TWIST2: variants seen among roughly 807,000 people sequenced by gnomAD.
TWIST2 encodes the protein twist family bHLH transcription factor 2.
In TWIST2, 1 loss-of-function variant was observed where a neutral mutation model predicts 11.6. The ratio of observed to expected loss-of-function variants is 0.09; its 90% CI spans 0.03 to 0.41. TWIST2 has a LOEUF of 0.41. Ranked by LOEUF, TWIST2 falls within the 10% of genes least tolerant of loss-of-function variation. The pLI is 0.98. For missense variants in TWIST2, 168 were observed against 226.4 expected (o/e 0.74, Z 1.66); for synonymous variants, 87 against 96.6 (o/e 0.90, Z 0.58).
chr2:238,867,177 G>T lies in TWIST2; in HGVS notation c.*35+18444G>T, dbSNP rs983974799. ...GCAGCTGGAGGGAAGGAGGCTGGCT[G>T]TAACATTGGAGGGGCCACAACCCCC... On this transcript the variant is annotated intron_variant, in intron 1 of 1. Transcript: ENST00000612363. The surrounding 1 kb of genome is among the most constrained non-coding windows in gnomAD (Gnocchi z 4.8). Among the ~76,000 whole-genome samples the T allele has an allele frequency of 1.3e-5, 2 of 152,018 alleles. No homozygotes were observed. The highest frequency in any genetic ancestry group is 2.4e-5 in the African/African-American group (1 of 41,370).
In TWIST2 at chr2:238,848,188, C is replaced by A; in HGVS notation, c.-28C>A. Reference sequence around the variant, plus strand: ...GCGCGCGCTCGGCGCCCCGGCGCCCCCAGCCCCACGCGCGCCGGGCGGGCG... The same window carrying A: ...GCGCGCGCTCGGCGCCCCGGCGCCCACAGCCCCACGCGCGCCGGGCGGGCG... On this transcript the variant is annotated 5_prime_UTR_variant, in exon 1 of 2. Coordinates refer to ENST00000612363, the MANE Select transcript of TWIST2 (RefSeq NM_001271893.4). The A allele has an allele frequency of 3.2e-6, 4 of 1,262,524 alleles. No individual in the cohort carries two copies. Among genetic ancestry groups the A allele is most frequent in the Non-Finnish European group, 4.0e-6 (4 of 1,006,342 alleles). The allele number at this position is 1,262,524 out of a possible 1,614,324, so 78.2% of individuals were successfully genotyped here.
intron 1 of TWIST2, among the ~76,000 whole-genome samples, chr2:238,858,061 C>G (rs1692362744): frequency 6.6e-6 from 1 of 152,198 alleles, no homozygotes; most frequent in Non-Finnish European, 1.5e-5. Flanking sequence ...GGCTCTTGGA[C>G]AATCAGCTTG....
chr2:238,868,184 G>A (rs1304879214), intron 1 of TWIST2, among the ~76,000 whole-genome samples: 1 of 152,126 alleles, frequency 6.6e-6, no homozygotes, highest in East Asian at 1.9e-4. Context: ...AGGAGGTCAG[G>A]CTTTCTGCAC....
At position 238,848,509 on chromosome 2, in the gene TWIST2, T is replaced by C. The variant is rs1386972384; in HGVS notation, c.294T>C (p.Ser98=). ...GCAAGATCATCCCCACGCTGCCCTC[T>C]GACAAGCTGAGCAAGATCCAGACGC... The part of the protein sequence containing the change: ...ALRKIIPTLP[S]DKLSKIQTLK... Residue 98 remains serine, a synonymous_variant, in exon 1 of 2, where the codon TCT becomes TCC. Coordinates refer to ENST00000612363, the MANE Select transcript of TWIST2 (RefSeq NM_001271893.4). 1.1e-5 allele frequency: 17 copies of C among 1,590,252 alleles called. No homozygotes were observed. Among genetic ancestry groups the C allele is most frequent in the African/African-American group, 1.3e-5 (1 of 74,354 alleles).
At chr2:238,860,960 A>G (rs568700058) in intron 1 of TWIST2, among the ~76,000 whole-genome samples, 1 of 152,152 alleles carries the variant, frequency 6.6e-6, no homozygotes, top group Non-Finnish European at 1.5e-5. Context: ...CAAACAAAAA[A>G]CTGTTCTGTG....
chr2:238,899,703 C>G (rs1693245743), intron 1 of TWIST2, among the ~76,000 whole-genome samples: 1 of 152,220 alleles, frequency 6.6e-6, no homozygotes, highest in Admixed American at 6.5e-5. Flanking sequence ...ATAAACCCTT[C>G]TTGGTCATCT....
chr2:238,900,071 T>C (rs1693250586), intron 1 of TWIST2, among the ~76,000 whole-genome samples: 1 of 152,246 alleles, frequency 6.6e-6, no homozygotes, highest in Non-Finnish European at 1.5e-5. Context: ...TCATAGAAAG[T>C]TCTGTTTAAT....
At position 238,867,752 on chromosome 2, in the gene TWIST2, C is replaced by T. The variant is rs1239083611; in HGVS notation, c.*35+19019C>T. ...TAGAAACTGAAAAGGCAGTCACATC[C>T]TCATCAGAAAGAAATTGATGGTGAG... is the stretch of plus-strand genomic sequence containing the variant. On this transcript the variant is annotated intron_variant, in intron 1 of 1. Coordinates refer to ENST00000612363, the MANE Select transcript of TWIST2 (RefSeq NM_001271893.4). This position sits in a 1 kb window ranked among gnomAD's most constrained non-coding sequence, Gnocchi z 4.8. Among the ~76,000 whole-genome samples, 1 of 152,160 alleles carries T rather than the reference C, an allele frequency of 6.6e-6. No individual in the cohort carries two copies. Among genetic ancestry groups the T allele is most frequent in the Non-Finnish European group, 1.5e-5 (1 of 68,030 alleles).
intron 1 of TWIST2, among the ~76,000 whole-genome samples, chr2:238,905,957 ACGTGTGCG>A (rs1693345817): frequency 2.8e-5 from 3 of 107,146 alleles, no homozygotes; most frequent in African/African-American, 4.0e-5. Flanking sequence ...GCGCGTGTGT[ACGTGTGCG>A]TGTGTGTGCG....
intron 1 of TWIST2, among the ~76,000 whole-genome samples, chr2:238,868,321 C>T (rs1386666370): frequency 6.6e-6 from 1 of 152,216 alleles, no homozygotes; most frequent in Non-Finnish European, 1.5e-5. Context: ...TGCCGGGAGC[C>T]CCCCGCCCCC....
chr2:238,900,082 T>A (rs1693250717), intron 1 of TWIST2, among the ~76,000 whole-genome samples: 1 of 152,246 alleles, frequency 6.6e-6, no homozygotes, highest in African/African-American at 2.4e-5. Flanking sequence ...TCTGTTTAAT[T>A]CTCTTATAAA....
intron 1 of TWIST2, 136 bp downstream of exon 1, chr2:238,848,869 T>G (rs946302895): frequency 3.1e-6 from 2 of 641,150 alleles, no homozygotes; most frequent in African/African-American, 3.9e-5. Context: ...GCGCTTTTCC[T>G]CTTAGCAAGG....
chr2:238,852,484 A>G (rs1252857205), intron 1 of TWIST2, among the ~76,000 whole-genome samples: 1 of 152,258 alleles, frequency 6.6e-6, no homozygotes. Context: ...TGAATAAGTT[A>G]CTGTAGCCAA....
At chr2:238,854,492 G>T (rs542314021) in intron 1 of TWIST2, among the ~76,000 whole-genome samples, 114 of 152,312 alleles carry the variant, frequency 7.5e-4, no homozygotes, top group African/African-American at 2.7e-3. Flanking sequence ...CACAGGCAGA[G>T]TCTTTCCGGA....
chr2:238,905,980 C>T (rs944709878), intron 1 of TWIST2, among the ~76,000 whole-genome samples: 44 of 133,954 alleles, frequency 3.3e-4, no homozygotes, highest in Admixed American at 7.2e-4. Context: ...TGTGCGCGCG[C>T]GTGTACGTGC....
intron 1 of TWIST2, among the ~76,000 whole-genome samples, chr2:238,906,850 G>A (rs1388095570): frequency 3.3e-5 from 5 of 152,228 alleles, no homozygotes; most frequent in Admixed American, 2.6e-4. Flanking sequence ...ACCACGCTCA[G>A]CCGCTCTGCG....
intron 1 of TWIST2, among the ~76,000 whole-genome samples, chr2:238,894,553 A>G (rs1693185058): frequency 6.6e-6 from 1 of 152,122 alleles, no homozygotes; most frequent in African/African-American, 2.4e-5. Flanking sequence ...AGCCAGAGCT[A>G]CCTCTGACAG....
rs1238211568 is a variant in TWIST2, at chr2:238,866,112, T to C, written c.*35+17379T>C. Among the ~76,000 whole-genome samples, 1 of 152,160 alleles carries C rather than the reference T, an allele frequency of 6.6e-6. No individual in the cohort carries two copies. The highest frequency in any genetic ancestry group is 1.5e-5 in the Non-Finnish European group (1 of 68,008). ...TCTGGTGTTACTGGGACCCACTGAA[T>C]GTAGGTTCCTTTACCCCCATTTCAC... On this transcript the variant is annotated intron_variant, in intron 1 of 1. Coordinates refer to ENST00000612363, the MANE Select transcript of TWIST2 (RefSeq NM_001271893.4). The surrounding 1 kb of genome is among the most constrained non-coding windows in gnomAD (Gnocchi z 4.9).
At chr2:238,857,060 A>G (rs1395853402) in intron 1 of TWIST2, among the ~76,000 whole-genome samples, 1 of 152,170 alleles carries the variant, frequency 6.6e-6, no homozygotes, top group East Asian at 1.9e-4. Flanking sequence ...GAAGGTGGTC[A>G]GGGGGCCATC....
Sources: allele counts gnomAD v4.1 joint callset (sites outside exome capture counted in the v4.1 genomes callset), GRCh38; gene constraint gnomAD v4.1.1; non-coding constraint Gnocchi (gnomAD v3.1); transcripts MANE v1.5; gene names NCBI Gene and HGNC (gene_info 2026-07-23, HGNC 2026-07-21).